Variants in GABRG2 observed in about 807,000 individuals in gnomAD.
The protein encoded by GABRG2 is gamma-aminobutyric acid type A receptor subunit gamma2.
A neutral mutation model predicts 56.4 loss-of-function variants in GABRG2; 16 were observed. The observed-to-expected ratio is 0.28, with a 90% CI of 0.19 to 0.43. GABRG2 has a LOEUF of 0.43. GABRG2 is among the 20% of genes least tolerant of loss of function. The pLI is 1.00. For missense variants in GABRG2, 327 were observed against 582.7 expected, an observed-to-expected ratio of 0.56 and a Z score of 4.52; for synonymous variants, 208 against 205.5, an observed-to-expected ratio of 1.01 and a Z score of -0.10.
chr5:162,082,768 G>A lies in GABRG2; in HGVS notation c.108-11060G>A, dbSNP rs529363968. On this transcript the variant is annotated intron_variant, in intron 1 of 9. Transcript: ENST00000639213. ...GATAAAAATAAGCTATTTATATAAC[G>A]AGAGTAGGAGGAAGGAGGAACAAGA... Among the ~76,000 whole-genome samples, 143 of 151,210 alleles carry A rather than the reference G, an allele frequency of 9.5e-4. No individual in the cohort carries two copies. The South Asian group carries it at 0.01, about 11-fold the overall frequency.
At position 162,110,473 on chromosome 5, in the gene GABRG2, G is replaced by A. The variant is rs572963669; in HGVS notation, c.769+6447G>A. Reference sequence around the variant, plus strand: ...ATGCTTCCTGAAATAGAGAACAATAGCTTCCACCTTTTAGGCTGTTTTAAT... The same window carrying A: ...ATGCTTCCTGAAATAGAGAACAATAACTTCCACCTTTTAGGCTGTTTTAAT... On this transcript the variant is annotated intron_variant, in intron 6 of 9. Coordinates refer to ENST00000639213, the MANE Select transcript of GABRG2 (RefSeq NM_198904.4). Among the ~76,000 whole-genome samples, 18 of 152,160 alleles carry A rather than the reference G, an allele frequency of 1.2e-4. No individual in the cohort carries two copies. In the South Asian group the frequency reaches 3.7e-3, roughly 32 times the overall value.
intron 4 of GABRG2, chr5:162,098,634 A>G (rs1761175755): frequency 6.6e-6 from 1 of 152,088 alleles, no homozygotes; most frequent in Non-Finnish European, 1.5e-5. Context: ...CTCTCTTACT[A>G]TCTGTAGGAA....
intron 2 of GABRG2, 62 bp downstream of exon 2, chr5:162,094,041 A>G: frequency 6.6e-7 from 1 of 1,523,444 alleles, no homozygotes; most frequent in Non-Finnish European, 9.1e-7. Context: ...CTACTTTAAT[A>G]GATAAAACAT....
chr5:162,085,799 A>G (rs953895749), intron 1 of GABRG2, among the ~76,000 whole-genome samples: 58 of 151,728 alleles, frequency 3.8e-4, no homozygotes, highest in Non-Finnish European at 7.1e-4. Flanking sequence ...CTCATTGTTT[A>G]GCTCCCACTT....
At chr5:162,100,807 C>A (rs2113350201) in intron 4 of GABRG2, among the ~76,000 whole-genome samples, 1 of 152,238 alleles carries the variant, frequency 6.6e-6, no homozygotes, top group South Asian at 2.1e-4. Flanking sequence ...TTCTTACAAA[C>A]AGAAGGTCCT....
chr5:162,077,112 A>G (rs971663087), intron 1 of GABRG2, among the ~76,000 whole-genome samples: 9 of 113,226 alleles, frequency 7.9e-5, no homozygotes, highest in African/African-American at 3.7e-4. Context: ...TGTGTGTGTG[A>G]TGTTTCTATC....
At chr5:162,092,941 C>T (rs1760715901) in intron 1 of GABRG2, among the ~76,000 whole-genome samples, 1 of 152,096 alleles carries the variant, frequency 6.6e-6, no homozygotes, top group Admixed American at 6.6e-5. Flanking sequence ...AAAATATCAT[C>T]ATCTTGGCGG....
At chr5:162,067,723 T>G (rs1581275052), upstream of GABRG2, 7 of 609,682 alleles carry the variant, frequency 1.1e-5, no homozygotes, top group East Asian at 1.1e-4. Flanking sequence ...TCTCTCCTTG[T>G]ACCCTCCCCC....
rs150429725 is a variant in GABRG2, at chr5:162,133,371, G to T, written c.770-8793G>T. Among the ~76,000 whole-genome samples, 39 of 152,104 alleles carry T rather than the reference G, an allele frequency of 2.6e-4. No homozygotes were observed. The East Asian group carries it at 6.8e-3, about 26-fold the overall frequency. ...GTGGGAGAATTTAAACAACTTACTC[G>T]CATTTCTGTACCTTATTATCATGAT... is the stretch of plus-strand genomic sequence containing the variant. On this transcript the variant is annotated intron_variant, in intron 6 of 9. Transcript: ENST00000639213.
At chr5:162,068,573 A>G (rs1758414349) in intron 1 of GABRG2, among the ~76,000 whole-genome samples, 1 of 151,894 alleles carries the variant, frequency 6.6e-6, no homozygotes, top group Non-Finnish European at 1.5e-5. Context: ...CCTGTGTACT[A>G]AGGCATCGCA....
chr5:162,100,579 A>G (rs1761341198), intron 4 of GABRG2, among the ~76,000 whole-genome samples: 1 of 152,152 alleles, frequency 6.6e-6, no homozygotes, highest in South Asian at 2.1e-4. Context: ...GCATAAACTA[A>G]TTAAGATTTA....
intron 6 of GABRG2, among the ~76,000 whole-genome samples, chr5:162,138,034 C>A (rs1236471756): frequency 6.6e-6 from 1 of 151,704 alleles, no homozygotes; most frequent in Non-Finnish European, 1.5e-5. Context: ...TGAGGGGATT[C>A]CAAGTGCGAG....
Position 162,067,826 on chromosome 5 carries a change from G to GC in GABRG2, c.-169dup, listed in dbSNP as rs1339721970. The stretch of plus-strand genomic sequence containing the variant: ...AAGCGTTTTTGCTGATCTTATCTCT[G>GC]CCCCCTGAATATTAATTCCCTAATC... On this transcript the variant is annotated 5_prime_UTR_variant, in exon 1 of 10. The change abolishes the stop of an existing upstream ORF in the 5' untranslated region. Coordinates refer to ENST00000639213, the MANE Select transcript of GABRG2 (RefSeq NM_198904.4). The GC allele has an allele frequency of 6.3e-6, 4 of 636,198 alleles. No homozygotes were observed. In the East Asian group the frequency reaches 8.1e-5, roughly 13 times the overall value. 39.4% of individuals were successfully genotyped at this position (636,198 alleles called of 1,614,324 possible).
chr5:162,081,246 T>C (rs962809072), intron 1 of GABRG2, among the ~76,000 whole-genome samples: 2 of 152,098 alleles, frequency 1.3e-5, no homozygotes, highest in Non-Finnish European at 2.9e-5. Flanking sequence ...AATTATCTCA[T>C]ACTTTATTAT....
chr5:162,070,768 C>A (rs1054193922), intron 1 of GABRG2, among the ~76,000 whole-genome samples: 2 of 151,810 alleles, frequency 1.3e-5, no homozygotes, highest in African/African-American at 2.4e-5. Context: ...AAAAAATAAC[C>A]TGGGGAACTT....
chr5:162,067,619 G>A (rs1758310378), upstream of GABRG2: 6 of 490,920 alleles, frequency 1.2e-5, no homozygotes, highest in Non-Finnish European at 2.1e-5. Context: ...TAACCCCAAA[G>A]AGATGGACCC....
intron 4 of GABRG2, 80 bp downstream of exon 4, chr5:162,097,938 G>T (rs878983417): frequency 3.5e-6 from 3 of 865,580 alleles, no homozygotes; most frequent in Non-Finnish European, 5.1e-6. Context: ...GTCTCTAAAA[G>T]AAAAAAAAAA....
intron 1 of GABRG2, among the ~76,000 whole-genome samples, chr5:162,085,036 G>A (rs776991416): frequency 1.3e-5 from 2 of 151,946 alleles, no homozygotes; most frequent in Non-Finnish European, 2.9e-5. Context: ...TTCCATGTTA[G>A]TGTGTAGTGT....
intron 1 of GABRG2, among the ~76,000 whole-genome samples, chr5:162,091,799 C>G (rs960229438): frequency 9.2e-5 from 14 of 152,092 alleles, no homozygotes; most frequent in Admixed American, 9.2e-4. Flanking sequence ...TTATACTTGA[C>G]TCATTTATTT....
Sources: allele counts gnomAD v4.1 joint callset (sites outside exome capture counted in the v4.1 genomes callset), GRCh38; gene constraint gnomAD v4.1.1; transcripts MANE v1.5; gene names NCBI Gene and HGNC (gene_info 2026-07-23, HGNC 2026-07-21).